The following TMEM131L variants were observed in gnomAD, a reference collection of about 807,000 sequenced individuals.
TMEM131L encodes the protein transmembrane protein 131-like.
TMEM131L carries 54 observed loss-of-function variants against 192.2 expected under a neutral mutation model. The ratio of observed to expected loss-of-function variants is 0.28; its 90% CI spans 0.23 to 0.35. TMEM131L has a LOEUF of 0.35. Ranked by LOEUF, TMEM131L falls within the 10% of genes least tolerant of loss-of-function variation. The pLI, the probability that TMEM131L is intolerant of heterozygous loss-of-function variation, is 1.00. For missense variants in TMEM131L, 1,888 were observed against 1,972.9 expected (o/e 0.96, Z 0.82); for synonymous variants, 701 against 704.9 (o/e 0.99, Z 0.09).
chr4:153,582,340 G>C (rs908420866), intron 9 of TMEM131L, among the ~76,000 whole-genome samples: 1 of 151,310 alleles, frequency 6.6e-6, no homozygotes, highest in African/African-American at 2.4e-5. Flanking sequence ...AGCCTCCTGG[G>C]CTCAAGCGAT....
Position 153,555,929 on chromosome 4 carries a change from C to T in TMEM131L, c.432+19C>T. ...CTGCAGGGTGGGTGTTGATGGACTCCTGGAAACTATGCCGTGGCAGGCAGC... is the reference window on the plus strand; with the variant it reads ...CTGCAGGGTGGGTGTTGATGGACTCTTGGAAACTATGCCGTGGCAGGCAGC... On this transcript the variant is annotated intron_variant, in intron 5 of 34. Coordinates refer to ENST00000409959, the MANE Select transcript of TMEM131L (RefSeq NM_001131007.2). This position sits in a 1 kb window ranked among gnomAD's most constrained non-coding sequence, Gnocchi z 4.1. 6.5e-7 allele frequency: 1 copy of T among 1,548,544 alleles called. No individual in the cohort carries two copies. The highest frequency in any genetic ancestry group is 8.7e-7 in the Non-Finnish European group (1 of 1,145,232).
At chr4:153,498,402 C>G (rs1279951015) in intron 3 of TMEM131L, among the ~76,000 whole-genome samples, 2 of 152,138 alleles carry the variant, frequency 1.3e-5, no homozygotes, top group East Asian at 1.9e-4. Context: ...ATTCCCAGCT[C>G]GCTATTTAAT....
At chr4:153,545,704 A>G (rs1737123351) in intron 3 of TMEM131L, among the ~76,000 whole-genome samples, 1 of 152,168 alleles carries the variant, frequency 6.6e-6, no homozygotes, top group Non-Finnish European at 1.5e-5. Flanking sequence ...GCAAAGATCA[A>G]TGTTTTTTCA....
chr4:153,620,966 C>A, intron 27 of TMEM131L, 86 bp downstream of exon 27: 1 of 974,028 alleles, frequency 1.0e-6, no homozygotes, highest in African/African-American at 1.7e-5. Context: ...AAACTTATTT[C>A]GGTGATATTA....
At chr4:153,572,665 T>G (rs1310714906) in intron 7 of TMEM131L, among the ~76,000 whole-genome samples, 1 of 152,184 alleles carries the variant, frequency 6.6e-6, no homozygotes. Context: ...CAGCTGTGTC[T>G]AGCTCTTGCC....
intron 3 of TMEM131L, among the ~76,000 whole-genome samples, chr4:153,474,553 T>C (rs999216897): frequency 6.6e-6 from 1 of 152,056 alleles, no homozygotes; most frequent in Non-Finnish European, 1.5e-5. Flanking sequence ...GGAATTTGAG[T>C]TTTGTTTTTA....
In TMEM131L at chr4:153,550,307, G is replaced by T. The variant is rs188119074; in HGVS notation, c.308+166G>T. 4.3e-4 allele frequency among the ~76,000 whole-genome samples: 66 copies of T among 152,164 alleles called. 2 individuals are homozygous for T. The highest frequency in any genetic ancestry group is 3.6e-3 in the Admixed American group (55 of 15,280). On this transcript the variant is annotated intron_variant, in intron 4 of 34. Coordinates refer to ENST00000409959, the MANE Select transcript of TMEM131L (RefSeq NM_001131007.2). Reference sequence around the variant, plus strand: ...TATTTTTGTGAAAAGGAGAGTACAAGAATTGTTTCAGCCCTTTCTTTAATT... The same window carrying T: ...TATTTTTGTGAAAAGGAGAGTACAATAATTGTTTCAGCCCTTTCTTTAATT...
At chr4:153,619,850 G>T (rs1047038353) in intron 26 of TMEM131L, among the ~76,000 whole-genome samples, 1 of 152,124 alleles carries the variant, frequency 6.6e-6, no homozygotes, top group Non-Finnish European at 1.5e-5. Context: ...AGTAGGAAGG[G>T]GACTCTTCTG....
chr4:153,603,208 T>C, intron 23 of TMEM131L, 95 bp from the exon 24 acceptor site: 1 of 1,052,918 alleles, frequency 9.5e-7, no homozygotes, highest in East Asian at 2.7e-5. Flanking sequence ...TCAGATGTTT[T>C]TCGTAAATCA....
chr4:153,620,312 G>A (rs945119958), intron 26 of TMEM131L, among the ~76,000 whole-genome samples: 2 of 152,202 alleles, frequency 1.3e-5, no homozygotes, highest in Non-Finnish European at 2.9e-5. Context: ...GCATTCTATA[G>A]AGATTTGGCT....
intron 25 of TMEM131L, among the ~76,000 whole-genome samples, chr4:153,604,961 C>T (rs1469777823): frequency 6.6e-6 from 1 of 152,070 alleles, no homozygotes; most frequent in East Asian, 1.9e-4. Flanking sequence ...CTTTGGCCTC[C>T]AGAAGTGCTG....
At chr4:153,584,189 T>A (rs1451947411) in intron 11 of TMEM131L, among the ~76,000 whole-genome samples, 1 of 152,100 alleles carries the variant, frequency 6.6e-6, no homozygotes, top group Non-Finnish European at 1.5e-5. Context: ...GCAGTGTGTG[T>A]ACATTTAATT....
At chr4:153,575,759 T>C (rs1357362456) in intron 7 of TMEM131L, among the ~76,000 whole-genome samples, 1 of 152,188 alleles carries the variant, frequency 6.6e-6, no homozygotes, top group Non-Finnish European at 1.5e-5. Context: ...TATGGGAGGT[T>C]TCAAAACTAG....
chr4:153,522,024 A>G (rs528046007), intron 3 of TMEM131L, among the ~76,000 whole-genome samples: 12 of 152,200 alleles, frequency 7.9e-5, no homozygotes, highest in Non-Finnish European at 1.6e-4. Context: ...TGAGCCTGCA[A>G]CTTAAAGCAG....
At chr4:153,557,900 G>A (rs946030334) in intron 6 of TMEM131L, among the ~76,000 whole-genome samples, 1 of 152,142 alleles carries the variant, frequency 6.6e-6, no homozygotes, top group Non-Finnish European at 1.5e-5. Flanking sequence ...AGGCACAAGC[G>A]ATTCTCCTGC....
At chr4:153,566,301 AATTTTTTGTATTTTTAGTAGAG>A (rs1729190768) in intron 7 of TMEM131L, among the ~76,000 whole-genome samples, 1 of 151,798 alleles carries the variant, frequency 6.6e-6, no homozygotes, top group South Asian at 2.1e-4. Context: ...ACGCCCAGAT[AATTTTTTGTATTTTTAGTAGAG>A]ACGGGGTTTC....
At chr4:153,607,072 T>C (rs1732291063) in intron 25 of TMEM131L, among the ~76,000 whole-genome samples, 1 of 152,220 alleles carries the variant, frequency 6.6e-6, no homozygotes, top group South Asian at 2.1e-4. Context: ...ATTTTAAATA[T>C]TAAAAATAAG....
chr4:153,482,971 T>C (rs1000100313), intron 3 of TMEM131L, among the ~76,000 whole-genome samples: 2 of 152,208 alleles, frequency 1.3e-5, no homozygotes, highest in Non-Finnish European at 2.9e-5. Context: ...ATTTTTATCT[T>C]TATATTGAAA....
At chr4:153,477,289 A>G (rs1221818452) in intron 3 of TMEM131L, among the ~76,000 whole-genome samples, 2 of 152,192 alleles carry the variant, frequency 1.3e-5, no homozygotes, top group Non-Finnish European at 2.9e-5. Flanking sequence ...TGACACGTCT[A>G]CAGGGAGATG....
Sources: allele counts gnomAD v4.1 joint callset (sites outside exome capture counted in the v4.1 genomes callset), GRCh38; gene constraint gnomAD v4.1.1; non-coding constraint Gnocchi (gnomAD v3.1); transcripts MANE v1.5; gene names NCBI Gene and HGNC (gene_info 2026-07-23, HGNC 2026-07-21).